CERKL: variants seen among roughly 807,000 people sequenced by gnomAD.
CERKL encodes the protein CERK like autophagy regulator.
A neutral mutation model predicts 63.4 loss-of-function variants in CERKL; 61 were observed. That is an observed-to-expected ratio of 0.96 (90% confidence interval 0.78 to 1.19). The LOEUF is 1.19. Among genes scored for constraint, CERKL ranks in the 50% most tolerant of loss-of-function variants. The pLI is 0.00. For synonymous variants in CERKL, 250 were observed against 230.5 expected, an observed-to-expected ratio of 1.08 and a Z score of -0.77; for missense variants, 675 against 655.5, an observed-to-expected ratio of 1.03 and a Z score of -0.33.
At chr2:181,624,416 T>C (rs1559111646) in intron 1 of CERKL, among the ~76,000 whole-genome samples, 2 of 151,384 alleles carry the variant, frequency 1.3e-5, no homozygotes, top group Middle Eastern at 3.5e-3. Context: ...GTGCCTGTAG[T>C]CCTAGCTACT....
intron 1 of CERKL, among the ~76,000 whole-genome samples, chr2:181,645,649 T>C (rs1383981673): frequency 1.3e-5 from 2 of 152,258 alleles, no homozygotes; most frequent in Admixed American, 6.5e-5. Flanking sequence ...CTCCTCTACA[T>C]AGTCTCTCTG....
intron 1 of CERKL, among the ~76,000 whole-genome samples, chr2:181,616,065 C>G (rs1686180324): frequency 6.6e-6 from 1 of 151,962 alleles, no homozygotes; most frequent in African/African-American, 2.4e-5. Flanking sequence ...TAGTGAATTT[C>G]CAACTGCAAT....
intron 1 of CERKL, among the ~76,000 whole-genome samples, chr2:181,632,768 C>T (rs1265382580): frequency 6.6e-6 from 1 of 152,144 alleles, no homozygotes; most frequent in Non-Finnish European, 1.5e-5. Flanking sequence ...TCCTCCAGGG[C>T]CTTGGATAGG....
At chr2:181,597,063 C>T (rs1037115539) in intron 2 of CERKL, among the ~76,000 whole-genome samples, 1 of 152,068 alleles carries the variant, frequency 6.6e-6, no homozygotes, top group African/African-American at 2.4e-5. Context: ...TCTTGGCAGT[C>T]TAATGATAGT....
At chr2:181,612,178 T>C (rs969859338) in intron 1 of CERKL, among the ~76,000 whole-genome samples, 1 of 152,232 alleles carries the variant, frequency 6.6e-6, no homozygotes, top group Non-Finnish European at 1.5e-5. Context: ...TCCAAGCATT[T>C]TGGATGATTT....
At chr2:181,604,694 C>T (rs1456027023) in intron 1 of CERKL, among the ~76,000 whole-genome samples, 2 of 152,116 alleles carry the variant, frequency 1.3e-5, no homozygotes, top group East Asian at 1.9e-4. Context: ...ACAGAAGTGA[C>T]TTTATGACAA....
intron 1 of CERKL, among the ~76,000 whole-genome samples, chr2:181,623,252 G>C (rs1406186876): frequency 6.6e-6 from 1 of 152,098 alleles, no homozygotes; most frequent in Non-Finnish European, 1.5e-5. Flanking sequence ...AAGACACAAG[G>C]TGATCAGAAA....
At chr2:181,555,833 AC>A (rs1315624430) in intron 5 of CERKL, among the ~76,000 whole-genome samples, 1 of 150,216 alleles carries the variant, frequency 6.7e-6, no homozygotes, top group African/African-American at 2.5e-5. Context: ...GCTCACTGCA[AC>A]CTCTGCCTCC....
chr2:181,563,785 C>G (rs1286979927), intron 4 of CERKL, among the ~76,000 whole-genome samples: 1 of 151,968 alleles, frequency 6.6e-6, no homozygotes, highest in African/African-American at 2.4e-5. Flanking sequence ...TATTATTCTC[C>G]TCATATATCT....
intron 2 of CERKL, among the ~76,000 whole-genome samples, chr2:181,580,118 A>G (rs1684435339): frequency 1.3e-5 from 2 of 151,890 alleles, no homozygotes; most frequent in African/African-American, 4.9e-5. Context: ...TTTCACTGAG[A>G]TTGCATTAAA....
In CERKL at chr2:181,650,357, A is replaced by C. The variant is rs1218104228; in HGVS notation, c.238+6412T>G. 2.6e-5 allele frequency among the ~76,000 whole-genome samples: 4 copies of C among 152,204 alleles called. No individual in the cohort carries two copies. The East Asian group carries it at 5.8e-4, about 22-fold the overall frequency. ...TAACAAAACCTACGAAACATAGCAC[A>C]AGCAGTTTTAAGAGGTAAGTTTATA... On this transcript the variant is annotated intron_variant, in intron 1 of 12. Transcript: ENST00000410087.
At chr2:181,591,289 G>A (rs1684980435) in intron 2 of CERKL, among the ~76,000 whole-genome samples, 1 of 152,104 alleles carries the variant, frequency 6.6e-6, no homozygotes. Context: ...AGGGGTAAGA[G>A]AGATGAGGTG....
At chr2:181,640,836 T>C (rs1574058702) in intron 1 of CERKL, among the ~76,000 whole-genome samples, 2 of 152,214 alleles carry the variant, frequency 1.3e-5, no homozygotes, top group South Asian at 2.1e-4. Context: ...GTCCAGTCTA[T>C]CTGATTCTCA....
chr2:181,610,448 T>G (rs1685915759), intron 1 of CERKL, among the ~76,000 whole-genome samples: 1 of 152,224 alleles, frequency 6.6e-6, no homozygotes. Context: ...CTTTAAAATG[T>G]TAATTGCACT....
intron 2 of CERKL, among the ~76,000 whole-genome samples, chr2:181,586,368 C>G (rs1309430741): frequency 6.6e-6 from 1 of 152,004 alleles, no homozygotes; most frequent in African/African-American, 2.4e-5. Context: ...CATGACCTTG[C>G]TCTGCTCTCA....
Position 181,624,527 on chromosome 2 carries a change from T to C in CERKL, c.239-20448A>G, listed in dbSNP as rs1444343522. Among the ~76,000 whole-genome samples, 3 of 152,082 alleles carry C rather than the reference T, an allele frequency of 2.0e-5. No individual in the cohort carries two copies. The East Asian group carries it at 5.8e-4, about 29-fold the overall frequency. Reference sequence around the variant, plus strand: ...CAGCCAAGGCGAAAGTAAGACCCAATCTTAAAACAAACAAAAACGAAATTG... The same window carrying C: ...CAGCCAAGGCGAAAGTAAGACCCAACCTTAAAACAAACAAAAACGAAATTG... On this transcript the variant is annotated intron_variant, in intron 1 of 12. Coordinates refer to ENST00000410087, the MANE Select transcript of CERKL (RefSeq NM_201548.5).
chr2:181,549,861 TTTAAG>T (rs530767990), intron 5 of CERKL, among the ~76,000 whole-genome samples, 153 bp from the exon 6 acceptor site: 36 of 152,320 alleles, frequency 2.4e-4, no homozygotes, highest in African/African-American at 6.3e-4. Flanking sequence ...ATATTAGAAG[TTTAAG>T]TTCTTATTCA....
intron 1 of CERKL, among the ~76,000 whole-genome samples, chr2:181,609,144 T>C (rs975183599): frequency 6.6e-6 from 1 of 152,066 alleles, no homozygotes; most frequent in Non-Finnish European, 1.5e-5. Flanking sequence ...TCAGGGTACA[T>C]GTGCACATTG....
intron 2 of CERKL, 153 bp downstream of exon 2, chr2:181,603,684 T>C: frequency 1.3e-6 from 1 of 797,344 alleles, no homozygotes; most frequent in Non-Finnish European, 2.2e-6. Context: ...AAAAAGTATT[T>C]AGCAAATTTC....
Sources: allele counts gnomAD v4.1 joint callset (sites outside exome capture counted in the v4.1 genomes callset), GRCh38; gene constraint gnomAD v4.1.1; transcripts MANE v1.5; gene names NCBI Gene and HGNC (gene_info 2026-07-23, HGNC 2026-07-21).